Variants in TNS3 observed in about 807,000 individuals in gnomAD.
TNS3 encodes tensin-3.
Under a neutral mutation model 140.9 loss-of-function variants are expected in TNS3, and 45 were observed. The observed-to-expected ratio is 0.32, with a 90% CI of 0.25 to 0.41. The LOEUF (loss-of-function observed/expected upper bound fraction) is 0.41, where lower values mean the gene tolerates loss of function less well. Among genes scored for constraint, TNS3 ranks in the 10% least tolerant of loss-of-function variants. The pLI is 1.00. For synonymous variants in TNS3, 815 were observed against 788.4 expected (o/e 1.03, Z -0.56); for missense variants, 1,716 against 1,906.7 (o/e 0.90, Z 1.86).
chr7:47,305,470 T>C (rs901258800), intron 20 of TNS3, among the ~76,000 whole-genome samples: 13 of 152,228 alleles, frequency 8.5e-5, no homozygotes, highest in Non-Finnish European at 1.6e-4. Context: ...GTGCAGGCCC[T>C]GCGGCAGCCG....
chr7:47,485,121 A>G (rs1797563249), intron 3 of TNS3, among the ~76,000 whole-genome samples: 1 of 152,294 alleles, frequency 6.6e-6, no homozygotes, highest in Non-Finnish European at 1.5e-5. Flanking sequence ...TGGCATGGCC[A>G]GGAGTCTAGA....
chr7:47,453,990 T>C (rs1426249719), intron 4 of TNS3, among the ~76,000 whole-genome samples: 3 of 152,250 alleles, frequency 2.0e-5, no homozygotes, highest in Non-Finnish European at 4.4e-5. Context: ...TTTTGTAACA[T>C]CTTACATGCA....
At chr7:47,579,151 C>T (rs1046317360) in intron 1 of TNS3, 2 of 152,090 alleles carry the variant, frequency 1.3e-5, no homozygotes, top group Non-Finnish European at 1.5e-5. Context: ...CAACCACCTA[C>T]TTAATTAACC....
At chr7:47,521,990 G>A (rs1049677299) in intron 2 of TNS3, among the ~76,000 whole-genome samples, 16 of 152,138 alleles carry the variant, frequency 1.1e-4, no homozygotes, top group African/African-American at 3.4e-4. Context: ...AGGTCTGCAC[G>A]GCGATGGAGA....
At chr7:47,311,017 C>T (rs1441198814) in intron 20 of TNS3, among the ~76,000 whole-genome samples, 3 of 151,610 alleles carry the variant, frequency 2.0e-5, no homozygotes, top group East Asian at 1.9e-4. Context: ...GTGAATAGTT[C>T]GCAATAAGCA....
At chr7:47,311,051 C>A (rs908848623) in intron 20 of TNS3, among the ~76,000 whole-genome samples, 1 of 152,182 alleles carries the variant, frequency 6.6e-6, no homozygotes, top group Non-Finnish European at 1.5e-5. Context: ...GTCTTTATAG[C>A]AGCATGATTT....
intron 16 of TNS3, among the ~76,000 whole-genome samples, chr7:47,391,989 G>T (rs532464265): frequency 6.6e-6 from 1 of 152,168 alleles, no homozygotes; most frequent in Non-Finnish European, 1.5e-5. Context: ...AGGCTACCAG[G>T]GTCCCTGGCC....
chr7:47,448,028 A>G (rs1023197347), intron 4 of TNS3, among the ~76,000 whole-genome samples: 1 of 152,210 alleles, frequency 6.6e-6, no homozygotes, highest in Non-Finnish European at 1.5e-5. Flanking sequence ...GGGCCCTGGC[A>G]GAAGGAGGGG....
chr7:47,481,229 T>C, intron 3 of TNS3, 88 bp from the exon 4 acceptor site: 3 of 1,023,686 alleles, frequency 2.9e-6, no homozygotes, highest in Non-Finnish European at 4.0e-6. Context: ...AAAGACTGAA[T>C]GAAACTGTCT....
intron 20 of TNS3, among the ~76,000 whole-genome samples, chr7:47,319,906 T>C (rs1197730620): frequency 6.6e-6 from 1 of 152,174 alleles, no homozygotes; most frequent in Non-Finnish European, 1.5e-5. Context: ...AACCAGGCGT[T>C]GCCATCTTCA....
intron 3 of TNS3, among the ~76,000 whole-genome samples, chr7:47,496,179 T>C (rs1046920210): frequency 3.3e-5 from 5 of 152,062 alleles, no homozygotes; most frequent in Non-Finnish European, 5.9e-5. Flanking sequence ...GTTCAAAAAC[T>C]GAATGGTGGT....
intron 17 of TNS3, among the ~76,000 whole-genome samples, chr7:47,359,946 C>T (rs1015145374): frequency 1.3e-5 from 2 of 152,182 alleles, no homozygotes; most frequent in African/African-American, 4.8e-5. Context: ...GCACCTTCTC[C>T]TCTGTGGCCC....
chr7:47,453,082 TG>T, intron 4 of TNS3: 3 of 985,524 alleles, frequency 3.0e-6, no homozygotes, highest in Non-Finnish European at 2.4e-6. Flanking sequence ...AGGAGGCAGC[TG>T]GAATAGCCCA....
At chr7:47,312,817 G>A (rs1445320900) in intron 20 of TNS3, among the ~76,000 whole-genome samples, 1 of 151,980 alleles carries the variant, frequency 6.6e-6, no homozygotes. Flanking sequence ...CACCAACATG[G>A]CACATGTACA....
chr7:47,427,076 A>C (rs2151489821), intron 9 of TNS3, among the ~76,000 whole-genome samples: 2 of 148,908 alleles, frequency 1.3e-5, no homozygotes. Context: ...CAGTAAGCCA[A>C]GATTGCACCA....
At position 47,275,567 on chromosome 7, in the gene TNS3, G is replaced by A. The variant is rs576258834; in HGVS notation, c.*2509C>T. ...CTGTGGCCCTAGAGCCGGTGTCCAC[G>A]GTGGGGGCTCTCTCACGGTTTCTGA... On this transcript the variant is annotated 3_prime_UTR_variant, in exon 31 of 31. Transcript: ENST00000311160. 6 of 326,550 alleles carry A rather than the reference G, an allele frequency of 1.8e-5. No individual in the cohort carries two copies. The East Asian group carries it at 4.2e-4, about 23-fold the overall frequency. 20.2% of individuals were successfully genotyped at this position (326,550 alleles called of 1,614,324 possible).
intron 2 of TNS3, among the ~76,000 whole-genome samples, chr7:47,520,829 C>T (rs986834617): frequency 6.6e-5 from 10 of 152,146 alleles, no homozygotes; most frequent in South Asian, 2.1e-4. Context: ...CTCAGTTCCC[C>T]GGTAGAAGTC....
intron 20 of TNS3, among the ~76,000 whole-genome samples, chr7:47,320,950 G>A (rs1787700923): frequency 2.0e-5 from 3 of 152,186 alleles, no homozygotes; most frequent in African/African-American, 2.4e-5. Context: ...GCAAGCACTC[G>A]AAAGATCCAT....
At chr7:47,547,229 C>T (rs1799946282) in intron 1 of TNS3, among the ~76,000 whole-genome samples, 1 of 152,060 alleles carries the variant, frequency 6.6e-6, no homozygotes, top group Non-Finnish European at 1.5e-5. Context: ...AGCAGAGGCT[C>T]AGGAGCAAAG....
Sources: gnomAD v4.1 joint callset for allele counts (sites outside exome capture counted in the v4.1 genomes callset) on GRCh38, gnomAD v4.1.1 for gene constraint, MANE v1.5 for transcripts, NCBI Gene and HGNC (gene_info 2026-07-23, HGNC 2026-07-21) for gene names.